The following IQSEC2 variants were observed in gnomAD, a reference collection of about 807,000 sequenced individuals.
IQSEC2 encodes IQ motif and SEC7 domain-containing protein 2.
Under a neutral mutation model 74.6 loss-of-function variants are expected in IQSEC2, and 6 were observed. The ratio of observed to expected loss-of-function variants is 0.08; its 90% confidence interval spans 0.04 to 0.16. The LOEUF (loss-of-function observed/expected upper bound fraction) is 0.16. Ranked by LOEUF, IQSEC2 falls within the 10% of genes least tolerant of loss-of-function variation. The pLI, the probability that IQSEC2 is intolerant of heterozygous loss-of-function variation, is 1.00. For synonymous variants in IQSEC2, 494 were observed against 544.5 expected (o/e 0.91, Z 1.29); for missense variants, 734 against 1,306.2 (o/e 0.56, Z 6.75).
At position 53,269,129 on chromosome X, in the gene IQSEC2, T is replaced by TC. The variant is rs782268556; in HGVS notation, c.738-13069dup. Among the ~76,000 whole-genome samples the TC allele has an allele frequency of 2.7e-4, 30 of 111,950 alleles. 1 individual carries two copies. The highest frequency in any genetic ancestry group is 4.6e-3 in the Middle Eastern group (1 of 218). On this transcript the variant is annotated intron_variant, in intron 2 of 14. Coordinates refer to ENST00000642864, the MANE Select transcript of IQSEC2 (RefSeq NM_001111125.3). ...CTATGTGTGTGCTGATTCTGTTTCT[T>TC]CCACTTAGAATACTCTTCCCTCTGC...
At chrX:53,281,650 C>CGGGCCA in intron 2 of IQSEC2, 1 of 808,178 alleles carries the variant, frequency 1.2e-6, no homozygotes, top group Non-Finnish European at 1.7e-6. Flanking sequence ...AGCTGGGCTG[C>CGGGCCA]GGGCCAGATT....
At chrX:53,279,271 A>G in intron 2 of IQSEC2, 1 of 282,007 alleles carries the variant, frequency 3.5e-6, no homozygotes, top group Non-Finnish European at 6.3e-6. Flanking sequence ...CCAACTGGCA[A>G]ACTCCTATTC....
At position 53,321,003 on chromosome X, in the gene IQSEC2, G is replaced by A. The variant is rs1556880296; in HGVS notation, c.121C>T (p.Arg41Trp). 8.6e-7 allele frequency: 1 copy of A among 1,158,300 alleles called. No homozygotes were observed. Among genetic ancestry groups the A allele is most frequent in the Non-Finnish European group, 1.1e-6 (1 of 871,950 alleles). Residue 41 changes from arginine to tryptophan, a missense_variant, in exon 1 of 15, where the codon CGG (arginine) becomes TGG (tryptophan). Physicochemically the swap from Arg to Trp is moderately radical, Grantham distance 101 (BLOSUM62 -3). Coordinates refer to ENST00000642864, the MANE Select transcript of IQSEC2 (RefSeq NM_001111125.3). ...CCCTCCAGCTCCTCGATGCGCCGCC[G>A]CTGGGTTTCCAGCAGCTGCTGCTGG... ...ESQQQLLETQRRRIEELEGQL... is the reference protein window; with the variant it reads ...ESQQQLLETQWRRIEELEGQL...
chrX:53,290,453 G>A (rs181881458), intron 2 of IQSEC2, among the ~76,000 whole-genome samples: 15 of 112,007 alleles, frequency 1.3e-4, no homozygotes, highest in East Asian at 8.4e-4. Flanking sequence ...GCACATCACC[G>A]GGGATGCTTG....
intron 2 of IQSEC2, among the ~76,000 whole-genome samples, chrX:53,275,475 T>A (rs1230053283): frequency 1.8e-5 from 2 of 111,633 alleles, no homozygotes; most frequent in Non-Finnish European, 3.8e-5. Context: ...GTATTTGTTT[T>A]CATATGAGAC....
chrX:53,277,409 C>T (rs782094546), intron 2 of IQSEC2, among the ~76,000 whole-genome samples: 6 of 109,718 alleles, frequency 5.5e-5, no homozygotes, highest in South Asian at 7.9e-4. Flanking sequence ...TTAGTAGAGA[C>T]GGGGTTTCAC....
intron 2 of IQSEC2, among the ~76,000 whole-genome samples, 193 bp downstream of exon 2, chrX:53,291,702 C>A (rs781954540): frequency 9.0e-6 from 1 of 110,774 alleles, no homozygotes; most frequent in Admixed American, 9.7e-5. Flanking sequence ...CAGTCTTGAA[C>A]CCCCTCCCCA....
At chrX:53,314,075 T>G (rs940480478) in intron 1 of IQSEC2, among the ~76,000 whole-genome samples, 4 of 111,971 alleles carry the variant, frequency 3.6e-5, no homozygotes, top group African/African-American at 9.8e-5. Context: ...CACTGTAACC[T>G]CAACCTCCCT....
chrX:53,307,022 A>G (rs1373415101), intron 1 of IQSEC2, among the ~76,000 whole-genome samples: 1 of 110,432 alleles, frequency 9.1e-6, no homozygotes, highest in African/African-American at 3.3e-5. Flanking sequence ...GACCTAGAAC[A>G]CAGGCCGCCT....
intron 2 of IQSEC2, among the ~76,000 whole-genome samples, chrX:53,267,641 G>A (rs2074680096): frequency 9.0e-6 from 1 of 111,386 alleles, no homozygotes; most frequent in Non-Finnish European, 1.9e-5. Flanking sequence ...ATTTCCTGAA[G>A]GTTCAGGCTC....
Position 53,245,473 on chromosome X carries a change from C to CA in IQSEC2, c.2749+1495dup, listed in dbSNP as rs1257923955. Among the ~76,000 whole-genome samples the CA allele has an allele frequency of 5.7e-5, 6 of 104,572 alleles. 1 individual carries two copies. The highest frequency in any genetic ancestry group is 3.0e-4 in the East Asian group (1 of 3,345). 90.8% of individuals were successfully genotyped at this position (104,572 alleles called of 115,157 possible). A position where few individuals can be genotyped will look rare whatever the true frequency, so the allele number is the denominator to read the frequency against. ...ACAAATAAAATAAAAAAACAGAAAA[C>CA]AAAAAAAATGTTTTCTTCCTTGGAA... On this transcript the variant is annotated intron_variant, in intron 8 of 14. Coordinates refer to ENST00000642864, the MANE Select transcript of IQSEC2 (RefSeq NM_001111125.3).
At chrX:53,302,444 C>T (rs782312186) in intron 1 of IQSEC2, among the ~76,000 whole-genome samples, 6 of 112,014 alleles carry the variant, frequency 5.4e-5, no homozygotes, top group Non-Finnish European at 9.4e-5. Flanking sequence ...GTTAGCCAGG[C>T]GTGGTGGCAC....
rs1556859124 is a variant in IQSEC2, at chrX:53,234,755, C to T, written c.3931G>A (p.Ala1311Thr). The change falls in exon 15 of 15, where the codon GCC becomes ACC. Residue 1311 changes from alanine (A) to threonine (T), a missense_variant. This residue lies in a region of IQSEC2 where 249 missense variants were observed against 467.9 expected (regional missense o/e 0.53). Transcript: ENST00000642864. ...PQLGSIPPPP[A>T]SAPPVGPHRH... ...TGTGGCCCCACAGGTGGGGCTGAGG[C>T]GGGAGGCGGTGGAATGGAGCCCAGC... 4 of 884,718 alleles carry T rather than the reference C, an allele frequency of 4.5e-6. No individual in the cohort carries two copies. The highest frequency in any genetic ancestry group is 5.6e-6 in the Non-Finnish European group (4 of 711,844). 72.9% of individuals were successfully genotyped at this position (884,718 alleles called of 1,213,427 possible).
chrX:53,239,074 G>A (rs2074178776), intron 11 of IQSEC2, 121 bp downstream of exon 11: 5 of 552,900 alleles, frequency 9.0e-6, no homozygotes, highest in Non-Finnish European at 1.6e-5. Context: ...CCAAGTAGGT[G>A]CTTTGGAGAC....
chrX:53,255,593 TA>T (rs1415753203), intron 3 of IQSEC2, among the ~76,000 whole-genome samples: 2 of 111,287 alleles, frequency 1.8e-5, no homozygotes, highest in Non-Finnish European at 3.8e-5. Context: ...GGGAGCTCAG[TA>T]AATGTTTCTT....
chrX:53,250,413 T>C lies in IQSEC2; in HGVS notation c.2163A>G (p.Leu721=). Residue 721 remains leucine (L), a synonymous_variant, in exon 5 of 15, where the codon CTA becomes CTG. Coordinates refer to ENST00000642864, the MANE Select transcript of IQSEC2 (RefSeq NM_001111125.3). ...ACAGGCCGGTAGCCGGAGGCTCCCT[T>C]AGACTGTCCCGAGAAGAGGAGCCGG... is the stretch of plus-strand genomic sequence containing the variant. The part of the protein sequence containing the change: ...CSSGSSSRDS[L]REPPATGLCK... 1 of 1,211,945 alleles carries C rather than the reference T, an allele frequency of 8.3e-7. No homozygotes were observed. Among genetic ancestry groups the C allele is most frequent in the Non-Finnish European group, 1.1e-6 (1 of 895,453 alleles).
At chrX:53,243,304 C>T in intron 9 of IQSEC2, 28 bp downstream of exon 9, 1 of 1,144,388 alleles carries the variant, frequency 8.7e-7, no homozygotes, top group Middle Eastern at 2.4e-4. Context: ...TGAACCCTGG[C>T]CCCTCTGCAG....
intron 12 of IQSEC2, chrX:53,237,745 A>G (rs2074157292): frequency 4.9e-6 from 1 of 204,837 alleles, no homozygotes; most frequent in Non-Finnish European, 9.2e-6. Flanking sequence ...TTTCATCTCC[A>G]TGACTCTGTG....
At chrX:53,278,001 TTC>T (rs2074866247) in intron 2 of IQSEC2, among the ~76,000 whole-genome samples, 1 of 87,686 alleles carries the variant, frequency 1.1e-5, no homozygotes, top group Non-Finnish European at 2.1e-5. Context: ...TCTTTTCTTT[TTC>T]TTTTTTTTTT....
Sources: allele counts gnomAD v4.1 joint callset (sites outside exome capture counted in the v4.1 genomes callset), GRCh38; gene constraint gnomAD v4.1.1; regional missense constraint gnomAD v4.1.1; transcripts MANE v1.5; gene names NCBI Gene and HGNC (gene_info 2026-07-23, HGNC 2026-07-21).